Variants in IGFBP7 observed in about 807,000 individuals in gnomAD.
The protein encoded by IGFBP7 is insulin like growth factor binding protein 7, also known as insulin-like growth factor-binding protein 7.
IGFBP7 carries 31 observed loss-of-function variants against 29.4 expected under a neutral mutation model. That is an observed-to-expected ratio of 1.05 (90% CI 0.79 to 1.42). The LOEUF is 1.42. IGFBP7 is among the 40% of genes most tolerant of loss of function. The probability of loss-of-function intolerance (pLI) is 0.00; values close to 1 mark genes in which losing one functional copy is unlikely to be tolerated. For missense variants in IGFBP7, 393 were observed against 395.5 expected, an observed-to-expected ratio of 0.99 and a Z score of 0.05; for synonymous variants, 172 against 174.9, an observed-to-expected ratio of 0.98 and a Z score of 0.13.
intron 1 of IGFBP7, among the ~76,000 whole-genome samples, chr4:57,106,000 A>G (rs377118153): frequency 2.1e-4 from 30 of 143,470 alleles, no homozygotes; most frequent in African/African-American, 6.3e-4. Flanking sequence ...TCTGCCTCCC[A>G]GGTTCACGCC....
In IGFBP7 at chr4:57,072,604, C is replaced by T. The variant is rs115451107; in HGVS notation, c.476-31671G>A. ...CTTTCTGTCAGTGCCACCTAGATGG[C>T]CTGTCAAAACCTTGACCCAGCCACC... On this transcript the variant is annotated intron_variant, in intron 1 of 4. Coordinates refer to ENST00000295666, the MANE Select transcript of IGFBP7 (RefSeq NM_001553.3). 347 of 270,130 alleles carry T rather than the reference C, an allele frequency of 1.3e-3. 2 individuals are homozygous for T. The highest frequency in any genetic ancestry group is 7.3e-3 in the African/African-American group (321 of 44,086). The allele number at this position is 270,130 out of a possible 1,614,324, so 16.7% of individuals were successfully genotyped here.
intron 4 of IGFBP7, 47 bp downstream of exon 4, chr4:57,032,379 G>A: frequency 6.2e-7 from 1 of 1,603,894 alleles, no homozygotes; most frequent in Non-Finnish European, 8.5e-7. Context: ...TCTTTTTAAA[G>A]CAAATGTACT....
At chr4:57,073,180 A>G (rs1725105639) in intron 1 of IGFBP7, 2 of 1,382,322 alleles carry the variant, frequency 1.4e-6, no homozygotes, top group Non-Finnish European at 2.0e-6. Context: ...AGTTTTCCTT[A>G]GATGGTCTGT....
At chr4:57,104,665 C>A (rs1725979262) in intron 1 of IGFBP7, among the ~76,000 whole-genome samples, 1 of 152,162 alleles carries the variant, frequency 6.6e-6, no homozygotes, top group Non-Finnish European at 1.5e-5. Flanking sequence ...AAATCAAAAT[C>A]TATACTGAAG....
intron 2 of IGFBP7, among the ~76,000 whole-genome samples, chr4:57,038,423 G>A (rs944774740): frequency 3.3e-5 from 5 of 152,192 alleles, no homozygotes; most frequent in Non-Finnish European, 7.3e-5. Flanking sequence ...GTGTGTACCT[G>A]GATGCAGGGG....
At chr4:57,076,573 G>A (rs1725232736) in intron 1 of IGFBP7, among the ~76,000 whole-genome samples, 2 of 152,220 alleles carry the variant, frequency 1.3e-5, no homozygotes, top group Non-Finnish European at 2.9e-5. Context: ...CGACAGTCTT[G>A]CAGCACTGGC....
At chr4:57,066,814 C>T (rs1045174686) in intron 1 of IGFBP7, among the ~76,000 whole-genome samples, 4 of 151,822 alleles carry the variant, frequency 2.6e-5, no homozygotes, top group South Asian at 2.1e-4. Context: ...TCACCTGCCT[C>T]GGCCTCCTAA....
intron 1 of IGFBP7, among the ~76,000 whole-genome samples, chr4:57,042,211 C>T (rs1724243822): frequency 6.6e-6 from 1 of 152,312 alleles, no homozygotes; most frequent in South Asian, 2.1e-4. Context: ...CATGTGTATC[C>T]TTTTTGCTAT....
chr4:57,040,628 C>G (rs1201498877), intron 2 of IGFBP7, among the ~76,000 whole-genome samples, 196 bp downstream of exon 2: 1 of 152,224 alleles, frequency 6.6e-6, no homozygotes, highest in Non-Finnish European at 1.5e-5. Flanking sequence ...TTCTAGGATG[C>G]TGCTAACAAA....
chr4:57,044,813 TC>T (rs774583222), intron 1 of IGFBP7, among the ~76,000 whole-genome samples: 6 of 152,162 alleles, frequency 3.9e-5, no homozygotes, highest in Middle Eastern at 3.4e-3. Context: ...ATATATCTGT[TC>T]CCCCCCAATC....
intron 1 of IGFBP7, among the ~76,000 whole-genome samples, chr4:57,079,876 T>C (rs532857275): frequency 6.6e-6 from 1 of 152,336 alleles, no homozygotes; most frequent in Admixed American, 6.5e-5. Context: ...TGCAGGCTCA[T>C]CCATATATTA....
At chr4:57,035,541 G>T (rs1354154961) in intron 2 of IGFBP7, among the ~76,000 whole-genome samples, 1 of 152,092 alleles carries the variant, frequency 6.6e-6, no homozygotes, top group African/African-American at 2.4e-5. Flanking sequence ...TGCAACCTCT[G>T]CCTCCGCCTC....
intron 1 of IGFBP7, among the ~76,000 whole-genome samples, chr4:57,095,468 C>T (rs1488117818): frequency 6.6e-6 from 1 of 152,144 alleles, no homozygotes; most frequent in African/African-American, 2.4e-5. Flanking sequence ...CTAAGATTAA[C>T]CTTTATTAAA....
At chr4:57,095,818 C>A (rs1725747239) in intron 1 of IGFBP7, among the ~76,000 whole-genome samples, 1 of 152,176 alleles carries the variant, frequency 6.6e-6, no homozygotes, top group African/African-American at 2.4e-5. Context: ...GACCAATAAG[C>A]TGAGCAGAGC....
intron 1 of IGFBP7, among the ~76,000 whole-genome samples, chr4:57,083,059 A>T (rs1387968310): frequency 6.6e-6 from 1 of 152,232 alleles, no homozygotes; most frequent in East Asian, 1.9e-4. Flanking sequence ...TTCTTTAAGA[A>T]TATTCCAGAT....
At chr4:57,086,562 G>A (rs776454136) in intron 1 of IGFBP7, among the ~76,000 whole-genome samples, 8 of 152,126 alleles carry the variant, frequency 5.3e-5, no homozygotes, top group Non-Finnish European at 1.0e-4. Flanking sequence ...TGGTGGCATA[G>A]GTGGCTTGTT....
intron 1 of IGFBP7, among the ~76,000 whole-genome samples, chr4:57,061,696 C>T (rs1724804718): frequency 6.6e-6 from 1 of 152,140 alleles, no homozygotes; most frequent in Admixed American, 6.6e-5. Flanking sequence ...TGGAATTTCC[C>T]ATGTAATATT....
At chr4:57,098,365 T>C (rs1354866604) in intron 1 of IGFBP7, among the ~76,000 whole-genome samples, 1 of 152,098 alleles carries the variant, frequency 6.6e-6, no homozygotes, top group Non-Finnish European at 1.5e-5. Context: ...CCAGGCTGAA[T>C]GGGTGAGAAG....
intron 1 of IGFBP7, among the ~76,000 whole-genome samples, chr4:57,096,275 G>A (rs1725762492): frequency 6.8e-6 from 1 of 146,634 alleles, no homozygotes; most frequent in Non-Finnish European, 1.5e-5. Flanking sequence ...ACTTCCCATG[G>A]CACACTAGAT....
Sources: gnomAD v4.1 joint callset for allele counts (sites outside exome capture counted in the v4.1 genomes callset) on GRCh38, gnomAD v4.1.1 for gene constraint, MANE v1.5 for transcripts, NCBI Gene and HGNC (gene_info 2026-07-23, HGNC 2026-07-21) for gene names.